Variants in PRIM2 observed in about 807,000 individuals in gnomAD.
PRIM2 encodes the protein DNA primase large subunit.
PRIM2 carries 39 observed loss-of-function variants against 67.3 expected under a neutral mutation model. The observed-to-expected ratio is 0.58, with a 90% CI of 0.45 to 0.76. The LOEUF is 0.76. Among genes scored for constraint, PRIM2 ranks in the 30% least tolerant of loss-of-function variants. The pLI is 0.00. For missense variants in PRIM2, 398 were observed against 598.7 expected (o/e 0.66, Z 3.50); for synonymous variants, 143 against 198.7 (o/e 0.72, Z 2.36).
chr6:57,237,024 CCCA>C, the PRIM2 span, among the ~76,000 whole-genome samples: 3 of 152,000 alleles, frequency 2.0e-5, no homozygotes, highest in South Asian at 6.2e-4. Context: ...AGTTTACAGT[CCCA>C]CCAAGAGTGT....
rs1444848326 is a variant in PRIM2, at chr6:57,642,433, A to ACCTTTTTT, written c.1300-3495_1300-3494insCCTTTTTT. 7.7e-4 allele frequency among the ~76,000 whole-genome samples: 82 copies of ACCTTTTTT among 107,038 alleles called. 1 individual carries two copies. The highest frequency in any genetic ancestry group is 9.0e-4 in the Non-Finnish European group (49 of 54,282). 70.2% of individuals were successfully genotyped at this position (107,038 alleles called of 152,430 possible). On this transcript the variant is annotated intron_variant, in intron 13 of 13. Transcript: ENST00000615550. ...GATATGCACATACCTTAAATATTAT[A>ACCTTTTTT]TCTTTTTTTTTTTTTTTTTTTTTTT...
chr6:57,374,394 C>T (rs62418006), intron 5 of PRIM2, among the ~76,000 whole-genome samples: 3 of 143,192 alleles, frequency 2.1e-5, no homozygotes, highest in Non-Finnish European at 4.6e-5. Flanking sequence ...CCCGGGTTCA[C>T]GCCATTCTCC....
chr6:57,397,711 A>G (rs1770565035), intron 7 of PRIM2, among the ~76,000 whole-genome samples: 1 of 151,850 alleles, frequency 6.6e-6, no homozygotes, highest in African/African-American at 2.4e-5. Flanking sequence ...CTGGTGAACT[A>G]GTTTGCAAAA....
At chr6:57,330,893 G>A (rs547775339) in intron 5 of PRIM2, among the ~76,000 whole-genome samples, 1 of 151,960 alleles carries the variant, frequency 6.6e-6, no homozygotes, top group South Asian at 2.1e-4. Context: ...TATTAATATG[G>A]TGTGTTGGGC....
intron 13 of PRIM2, among the ~76,000 whole-genome samples, chr6:57,632,984 G>C (rs1777060549): frequency 6.6e-6 from 1 of 152,206 alleles, no homozygotes; most frequent in Non-Finnish European, 1.5e-5. Context: ...GTCTGGCACA[G>C]AATAGATTTT....
the PRIM2 span, among the ~76,000 whole-genome samples, chr6:57,287,714 C>G: frequency 3.0e-4 from 46 of 151,960 alleles, 2 homozygotes; most frequent in South Asian, 9.6e-3. Flanking sequence ...ACCATGGCAC[C>G]TGTATACCTG....
At chr6:57,245,481 A>T in the PRIM2 span, among the ~76,000 whole-genome samples, 1 of 152,158 alleles carries the variant, frequency 6.6e-6, no homozygotes, top group African/African-American at 2.4e-5. Context: ...TTTGGTAACC[A>T]AATTGCCAAG....
chr6:57,410,825 A>G (rs1431842842), intron 7 of PRIM2, among the ~76,000 whole-genome samples: 1 of 152,006 alleles, frequency 6.6e-6, no homozygotes, highest in East Asian at 1.9e-4. Flanking sequence ...TTAAGGATAG[A>G]TACATTTAGT....
intron 5 of PRIM2, among the ~76,000 whole-genome samples, chr6:57,328,737 T>C (rs1209987920): frequency 6.6e-6 from 1 of 152,176 alleles, no homozygotes; most frequent in African/African-American, 2.4e-5. Context: ...TGAGGAGCTA[T>C]CAAAATGTTT....
chr6:57,544,588 A>T (rs1409800397), intron 10 of PRIM2, among the ~76,000 whole-genome samples: 3 of 152,174 alleles, frequency 2.0e-5, no homozygotes, highest in African/African-American at 4.8e-5. Context: ...TTGCCTTTTG[A>T]AACTATTTTC....
At chr6:57,642,433 A>ACCTTTTTTTTTTTT (rs1444848326) in intron 13 of PRIM2, among the ~76,000 whole-genome samples, 10 of 107,058 alleles carry the variant, frequency 9.3e-5, no homozygotes, top group Non-Finnish European at 1.3e-4. Flanking sequence ...TAAATATTAT[A>ACCTTTTTTTTTTTT]TCTTTTTTTT....
chr6:57,255,221 G>A, the PRIM2 span, among the ~76,000 whole-genome samples: 24 of 152,202 alleles, frequency 1.6e-4, no homozygotes, highest in South Asian at 1.2e-3. Flanking sequence ...CCATTGGGCC[G>A]GGTGTGGTGG....
chr6:57,327,738 T>C (rs1445876544), intron 5 of PRIM2, among the ~76,000 whole-genome samples: 1 of 152,200 alleles, frequency 6.6e-6, no homozygotes, highest in East Asian at 1.9e-4. Context: ...TTTGTTGAAA[T>C]TACTGATTTT....
the PRIM2 span, among the ~76,000 whole-genome samples, chr6:57,256,651 CACACACACACACAT>C: frequency 6.7e-6 from 1 of 149,458 alleles, no homozygotes; most frequent in African/African-American, 2.5e-5. Context: ...CACACACACA[CACACACACACACAT>C]GCCATGCAGG....
chr6:57,564,908 C>T (rs1211632824), intron 10 of PRIM2, among the ~76,000 whole-genome samples: 1 of 152,216 alleles, frequency 6.6e-6, no homozygotes, highest in African/African-American at 2.4e-5. Flanking sequence ...AAGCAACCAT[C>T]AACAATGTTT....
intron 10 of PRIM2, among the ~76,000 whole-genome samples, chr6:57,551,697 C>T (rs1364888835): frequency 1.5e-4 from 23 of 151,848 alleles, no homozygotes; most frequent in African/African-American, 5.6e-4. Flanking sequence ...AACTCTGGAG[C>T]TTACATTCTG....
intron 10 of PRIM2, among the ~76,000 whole-genome samples, chr6:57,583,762 C>T (rs1776141173): frequency 6.6e-6 from 1 of 152,256 alleles, no homozygotes; most frequent in Non-Finnish European, 1.5e-5. Flanking sequence ...CTGACTTCTA[C>T]AATGGTTGAA....
At chr6:57,562,913 T>C (rs1198119556) in intron 10 of PRIM2, among the ~76,000 whole-genome samples, 5 of 152,328 alleles carry the variant, frequency 3.3e-5, no homozygotes, top group South Asian at 4.1e-4. Context: ...ATCTAATTAT[T>C]GCAATAGCTT....
chr6:57,646,129 C>G lies in PRIM2; in HGVS notation c.1501C>G (p.Leu501Val). The G allele has an allele frequency of 6.3e-7, 1 of 1,580,214 alleles. No homozygotes were observed. The highest frequency in any genetic ancestry group is 2.2e-5 in the East Asian group (1 of 44,700). Residue 501 changes from leucine (L) to valine (V), a missense_variant, in exon 14 of 14, where the codon CTA becomes GTA. Physicochemically the swap from Leu to Val is conservative, Grantham distance 32 (BLOSUM62 1). Transcript: ENST00000615550. ...CTCTCTGGAAATGGATATGGAAGGA[C>G]TAGAAGATTACTTTAGTGAAGATTC... ...NSSLEMDMEG[L>V]EDYFSEDS
Sources: allele counts gnomAD v4.1 joint callset (sites outside exome capture counted in the v4.1 genomes callset), GRCh38; gene constraint gnomAD v4.1.1; transcripts MANE v1.5; gene names NCBI Gene and HGNC (gene_info 2026-07-23, HGNC 2026-07-21).